Variants in PLD1 observed in about 807,000 individuals in gnomAD.
PLD1 encodes the protein phospholipase D1.
Under a neutral mutation model 137.1 loss-of-function variants are expected in PLD1, and 112 were observed. The observed-to-expected ratio is 0.82, with a 90% confidence interval of 0.70 to 0.96. The LOEUF is 0.96. Ranked by LOEUF, PLD1 falls within the 40% of genes least tolerant of loss-of-function variation. The probability of loss-of-function intolerance (pLI) is 0.00; values close to 1 mark genes in which losing one functional copy is unlikely to be tolerated. For missense variants in PLD1, 1,321 were observed against 1,342.0 expected (o/e 0.98, Z 0.24); for synonymous variants, 431 against 454.7 (o/e 0.95, Z 0.66).
At chr3:171,620,584 CTTA>C in intron 23 of PLD1, 64 bp from the exon 24 acceptor site, 1 of 941,120 alleles carries the variant, frequency 1.1e-6, no homozygotes, top group Non-Finnish European at 1.6e-6. Flanking sequence ...TACATTAAAT[CTTA>C]TTGTTTCTCA....
intron 9 of PLD1, among the ~76,000 whole-genome samples, chr3:171,711,022 C>T (rs1331398992): frequency 6.6e-6 from 1 of 150,990 alleles, no homozygotes; most frequent in Non-Finnish European, 1.5e-5. Flanking sequence ...TACAGGCCTG[C>T]ACCTCCACGC....
intron 15 of PLD1, 109 bp downstream of exon 15, chr3:171,687,262 T>C: frequency 1.1e-6 from 1 of 871,232 alleles, no homozygotes; most frequent in Admixed American, 2.2e-5. Flanking sequence ...TCAACATTGC[T>C]CATTCTACTC....
At chr3:171,806,813 T>C (rs1723865502) in intron 1 of PLD1, among the ~76,000 whole-genome samples, 4 of 152,246 alleles carry the variant, frequency 2.6e-5, no homozygotes. Flanking sequence ...TTCTGATAGA[T>C]ACTCAGGAGA....
intron 5 of PLD1, 77 bp from the exon 6 acceptor site, chr3:171,733,586 G>A (rs895841929): frequency 6.8e-5 from 41 of 605,408 alleles, no homozygotes; most frequent in South Asian, 8.9e-5. Context: ...TGACAATGAT[G>A]AGATCATCAT....
intron 19 of PLD1, among the ~76,000 whole-genome samples, chr3:171,672,116 G>T (rs1264437494): frequency 6.6e-6 from 1 of 151,948 alleles, no homozygotes; most frequent in Non-Finnish European, 1.5e-5. Context: ...ACCCAGTTCT[G>T]TCCCTCTGGA....
chr3:171,671,862 T>A (rs1712796152), intron 19 of PLD1, among the ~76,000 whole-genome samples: 2 of 151,660 alleles, frequency 1.3e-5, no homozygotes, highest in Non-Finnish European at 2.9e-5. Flanking sequence ...CCTCCATTAA[T>A]CTTCATTGAA....
At chr3:171,726,926 T>G (rs562896104) in intron 6 of PLD1, among the ~76,000 whole-genome samples, 79 of 152,320 alleles carry the variant, frequency 5.2e-4, no homozygotes, top group African/African-American at 1.8e-3. Flanking sequence ...AGTAAATATT[T>G]TGGGCTTTGT....
rs1393864065 is a variant in PLD1 at position 171,645,021 on chromosome 3, T to A, written c.2432A>T (p.Glu811Val). Residue 811 changes from glutamate to valine, a missense_variant and splice_region_variant, in exon 22 of 27, where the codon GAA becomes GTA. Transcript: ENST00000351298. ...IAQRILKAHR[E>V]NQKYRVYVVI... Reference sequence around the variant, plus strand: ...GACATATACCCGGTATTTCTGGTTTTCCCTGCAAAGGTCAGATGCAGAGAA... The same window carrying A: ...GACATATACCCGGTATTTCTGGTTTACCCTGCAAAGGTCAGATGCAGAGAA... 1.1e-5 allele frequency: 17 copies of A among 1,604,030 alleles called. No individual in the cohort carries two copies. Among genetic ancestry groups the A allele is most frequent in the Non-Finnish European group, 1.5e-5 (17 of 1,170,908 alleles).
chr3:171,764,983 A>G (rs1423956729), intron 1 of PLD1: 6 of 147,228 alleles, frequency 4.1e-5, no homozygotes, highest in African/African-American at 5.0e-5. Context: ...AGAAAGAAAG[A>G]AAGAAAGAAA....
At chr3:171,650,916 TA>T in intron 21 of PLD1, among the ~76,000 whole-genome samples, 1 of 152,026 alleles carries the variant, frequency 6.6e-6, no homozygotes. Flanking sequence ...AAAAAAAAAT[TA>T]ATTTTAAAAT....
chr3:171,709,264 G>T (rs1032567804), intron 10 of PLD1, among the ~76,000 whole-genome samples: 2 of 152,178 alleles, frequency 1.3e-5, no homozygotes, highest in African/African-American at 4.8e-5. Context: ...TAAATTAGGG[G>T]TAATGACTTA....
chr3:171,627,037 T>A (rs1404780067), intron 23 of PLD1, among the ~76,000 whole-genome samples: 1 of 152,008 alleles, frequency 6.6e-6, no homozygotes, highest in African/African-American at 2.4e-5. Flanking sequence ...ATGGACTAAA[T>A]GCTCCAATTA....
At chr3:171,721,101 C>T (rs952959930) in intron 8 of PLD1, among the ~76,000 whole-genome samples, 1 of 152,218 alleles carries the variant, frequency 6.6e-6, no homozygotes, top group Non-Finnish European at 1.5e-5. Flanking sequence ...GAGACTTCAT[C>T]TTGTTCACTA....
At chr3:171,738,605 A>G (rs1347132351) in intron 1 of PLD1, among the ~76,000 whole-genome samples, 6 of 152,192 alleles carry the variant, frequency 3.9e-5, no homozygotes, top group Non-Finnish European at 7.3e-5. Context: ...TCCCAAGCAA[A>G]GTGTATATTA....
chr3:171,678,537 C>T (rs1336429141), intron 16 of PLD1, among the ~76,000 whole-genome samples: 1 of 152,120 alleles, frequency 6.6e-6, no homozygotes, highest in East Asian at 1.9e-4. Flanking sequence ...ATCACAAACG[C>T]AGCACTTGGC....
chr3:171,791,375 C>G (rs1295254182), intron 1 of PLD1, among the ~76,000 whole-genome samples: 1 of 152,142 alleles, frequency 6.6e-6, no homozygotes, highest in Non-Finnish European at 1.5e-5. Flanking sequence ...ATTTCAAAGC[C>G]TATAATTCAG....
chr3:171,631,626 T>C (rs1365149781), intron 23 of PLD1, among the ~76,000 whole-genome samples: 1 of 152,196 alleles, frequency 6.6e-6, no homozygotes, highest in Non-Finnish European at 1.5e-5. Context: ...GGACACCTTG[T>C]TGTGCCAGTA....
chr3:171,681,015 C>T (rs1356735547), intron 16 of PLD1, among the ~76,000 whole-genome samples: 4 of 152,218 alleles, frequency 2.6e-5, no homozygotes, highest in Non-Finnish European at 5.9e-5. Context: ...ATGTCTCAGT[C>T]TGATTTTCAA....
At chr3:171,723,242 G>A (rs1182535190) in intron 8 of PLD1, among the ~76,000 whole-genome samples, 3 of 152,080 alleles carry the variant, frequency 2.0e-5, no homozygotes, top group Non-Finnish European at 4.4e-5. Flanking sequence ...TTGTCTTTCT[G>A]TGCCTGGCTT....
Sources: gnomAD v4.1 joint callset for allele counts (sites outside exome capture counted in the v4.1 genomes callset) on GRCh38, gnomAD v4.1.1 for gene constraint, MANE v1.5 for transcripts, NCBI Gene and HGNC (gene_info 2026-07-23, HGNC 2026-07-21) for gene names.